Variants in POLG observed in about 807,000 individuals in gnomAD.
POLG encodes the protein DNA polymerase subunit gamma-1.
Under a neutral mutation model 155.4 loss-of-function variants are expected in POLG, and 110 were observed. The ratio of observed to expected loss-of-function variants is 0.71; its 90% CI spans 0.61 to 0.83. The LOEUF (loss-of-function observed/expected upper bound fraction) is 0.83. POLG is among the 40% of genes least tolerant of loss of function. POLG has a pLI of 0.00. For missense variants in POLG, 1,685 were observed against 1,627.5 expected, an observed-to-expected ratio of 1.04 and a Z score of -0.61; for synonymous variants, 701 against 631.5, an observed-to-expected ratio of 1.11 and a Z score of -1.65.
In POLG at chr15:89,319,126, CTT is replaced by C. The variant is rs776594830; in HGVS notation, c.3105-29_3105-28del. 14 of 1,614,220 alleles carry C rather than the reference CTT, an allele frequency of 8.7e-6. No homozygotes were observed. In the East Asian group the frequency reaches 1.1e-4, roughly 13 times the overall value. Reference sequence around the variant, plus strand: ...TAAGGGACCAGAAACAGAGGGCAGACTTTGTCTTTCAGCATCTCAAAGCTAAA... The same window carrying C: ...TAAGGGACCAGAAACAGAGGGCAGACTGTCTTTCAGCATCTCAAAGCTAAA... On this transcript the variant is annotated intron_variant, in intron 19 of 22. Transcript: ENST00000268124.
Position 89,319,073 on chromosome 15 carries a change from A to G in POLG, c.3131T>C (p.Val1044Ala), listed in dbSNP as rs150233690. 8.1e-4 allele frequency: 1,307 copies of G among 1,614,046 alleles called. 3 individuals are homozygous for G. Among genetic ancestry groups the G allele is most frequent in the Non-Finnish European group, 9.7e-4 (1,147 of 1,180,034 alleles). ...RKSQWKKWEVVAERAWKGGTE... is the reference protein window; with the variant it reads ...RKSQWKKWEVAAERAWKGGTE... ...GCCCCCCTTCCATGCCCGTTCAGCA[A>G]CCACCTCCCACTTCTTCCACTGTGA... Residue 1044 changes from valine (V) to alanine (A), a missense_variant, in exon 20 of 23, where the codon GTT (valine) becomes GCT (alanine). Coordinates refer to ENST00000268124, the MANE Select transcript of POLG (RefSeq NM_002693.3).
intron 9 of POLG, 85 bp from the exon 10 acceptor site, chr15:89,325,771 C>A: frequency 9.2e-7 from 1 of 1,089,444 alleles, no homozygotes; most frequent in East Asian, 2.3e-5. Flanking sequence ...ATGTCCCCAC[C>A]CACCCTCCAA....
At position 89,329,110 on chromosome 15, in the gene POLG, C is replaced by A; in HGVS notation, c.856G>T (p.Gly286Cys). ...GTGTCCAGGAAACGCATGCGGGAACCCTGAGGAGGAGGAGGAGAAAAGGGA... is the reference window on the plus strand; with the variant it reads ...GTGTCCAGGAAACGCATGCGGGAACACTGAGGAGGAGGAGGAGAAAAGGGA... The part of the protein sequence containing the change: ...AHIREQYLIQ[G>C]SRMRFLDTMS... Residue 286 changes from glycine to cysteine, a missense_variant and splice_region_variant, in exon 4 of 23, where the codon GGT becomes TGT. Coordinates refer to ENST00000268124, the MANE Select transcript of POLG (RefSeq NM_002693.3). The A allele has an allele frequency of 6.2e-7, 1 of 1,611,080 alleles. No individual in the cohort carries two copies. Among genetic ancestry groups the A allele is most frequent in the Non-Finnish European group, 8.5e-7 (1 of 1,179,782 alleles).
At position 89,333,627 on chromosome 15, in the gene POLG, TGCC is replaced by T. The variant is rs761080016; in HGVS notation, c.125_127del (p.Arg42del). On this transcript the variant is annotated inframe_deletion, in exon 2 of 23. Coordinates refer to ENST00000268124, the MANE Select transcript of POLG (RefSeq NM_002693.3). ...CTGCTGCTGCTGCTGCTGCTGCTGC[TGCC>T]GCCGCCGCTGCCCGTCGCTGGGGTC... 12 of 1,581,512 alleles carry T rather than the reference TGCC, an allele frequency of 7.6e-6. No homozygotes were observed. Among genetic ancestry groups the T allele is most frequent in the Admixed American group, 1.8e-5 (1 of 56,684 alleles).
At chr15:89,330,941 G>A (rs2055586405) in intron 2 of POLG, among the ~76,000 whole-genome samples, 1 of 152,142 alleles carries the variant, frequency 6.6e-6, no homozygotes, top group Admixed American at 6.5e-5. Context: ...GCTGCCTGTT[G>A]GGGGCCCGAC....
chr15:89,328,167 G>A (rs557317990), intron 6 of POLG, among the ~76,000 whole-genome samples: 139 of 152,088 alleles, frequency 9.1e-4, no homozygotes, highest in African/African-American at 2.9e-3. Flanking sequence ...ACATAACCAC[G>A]CTGTATGTGA....
At position 89,325,297 on chromosome 15, in the gene POLG, AGG is replaced by A. The variant is rs1491499923; in HGVS notation, c.1949+151_1949+152del. Among the ~76,000 whole-genome samples, 107 of 60,010 alleles carry A rather than the reference AGG, an allele frequency of 1.8e-3. 29 individuals are homozygous for A. Among genetic ancestry groups the A allele is most frequent in the African/African-American group, 5.4e-3 (100 of 18,602 alleles). The allele number at this position is 60,010 out of a possible 152,430, so 39.4% of individuals were successfully genotyped here. A position where few individuals can be genotyped will look rare whatever the true frequency, so the allele number is the denominator to read the frequency against. On this transcript the variant is annotated intron_variant, in intron 10 of 22. Coordinates refer to ENST00000268124, the MANE Select transcript of POLG (RefSeq NM_002693.3). ...GAGAGAGAGAGAAAGAGAGAGAGAG[AGG>A]GTGTGTGTGTGTGTGTTAATTTTTT...
chr15:89,319,046 G>C lies in POLG; in HGVS notation c.3158C>G (p.Thr1053Arg), dbSNP rs375268845. 3 of 1,613,960 alleles carry C rather than the reference G, an allele frequency of 1.9e-6. No homozygotes were observed. Among genetic ancestry groups the C allele is most frequent in the African/African-American group, 2.7e-5 (2 of 74,894 alleles). ...AAGCTTATTGAACATTTCTGACTCTGTGCCCCCCTTCCATGCCCGTTCAGC... is the reference window on the plus strand; with the variant it reads ...AAGCTTATTGAACATTTCTGACTCTCTGCCCCCCTTCCATGCCCGTTCAGC... The part of the protein sequence containing the change: ...VVAERAWKGG[T>R]ESEMFNKLES... The change falls in exon 20 of 23, where the codon ACA becomes AGA. Residue 1053 changes from threonine (T) to arginine (R), a missense_variant. By Grantham distance (71) the Thr-to-Arg change is moderately conservative (BLOSUM62 -1). Transcript: ENST00000268124.
chr15:89,320,635 A>G, intron 18 of POLG, 131 bp downstream of exon 18: 1 of 1,002,618 alleles, frequency 1.0e-6, no homozygotes, highest in Non-Finnish European at 1.5e-6. Context: ...CAGGTTACAC[A>G]GGTGTGGAAG....
At chr15:89,327,433 A>C in intron 6 of POLG, 84 bp from the exon 7 acceptor site, 1 of 1,289,170 alleles carries the variant, frequency 7.8e-7, no homozygotes, top group Non-Finnish European at 1.1e-6. Context: ...AGCAAGCCTC[A>C]ACCCAGCCAC....
rs747627023 is a variant in POLG, at chr15:89,317,391, A to G, written c.3628T>C (p.Tyr1210His). Residue 1210 changes from tyrosine to histidine, a missense_variant, in exon 22 of 23, where the codon TAC becomes CAC. By Grantham distance (83) the Tyr-to-His change is moderately conservative. This residue lies in a region of POLG where 470 missense variants were observed against 439.9 expected (regional missense o/e 1.07). Transcript: ENST00000268124. ...TTGTGCTCACCCTGGGGAATCCCGT[A>G]TCTCCTTTCCATCCCAGTTGGGTTG... ...PSNPTGMERR[Y>H]GIPQGEALDI... The G allele has an allele frequency of 2.5e-6, 4 of 1,614,020 alleles. No individual in the cohort carries two copies. The highest frequency in any genetic ancestry group is 2.7e-5 in the African/African-American group (2 of 74,902).
rs1378795521 is a variant in POLG, at chr15:89,321,971, G to A, written c.2471C>T (p.Ala824Val). The change falls in exon 15 of 23, where the codon GCT (alanine) becomes GTT (valine). Residue 824 changes from alanine (A) to valine (V), a missense_variant. Around this residue, in one of 3 missense-constraint regions of POLG, gnomAD observed 1,210 missense variants for 1,167.1 expected, o/e 1.04. Coordinates refer to ENST00000268124, the MANE Select transcript of POLG (RefSeq NM_002693.3). Reference protein sequence around the residue: ...VWLPRSALPRAVIRHPDYDEE... With the variant: ...VWLPRSALPRVVIRHPDYDEE... ...ACTCAGCAGACCATACCTGATCACAGCACGGGGCAGAGCTGACCTGGGCAG... is the reference window on the plus strand; with the variant it reads ...ACTCAGCAGACCATACCTGATCACAACACGGGGCAGAGCTGACCTGGGCAG... The A allele has an allele frequency of 5.0e-6, 8 of 1,614,070 alleles. No individual in the cohort carries two copies. In the East Asian group the frequency reaches 1.8e-4, roughly 36 times the overall value.
In POLG at chr15:89,321,942, A is replaced by C. The variant is rs1403726676; in HGVS notation, c.2480+20T>G. The C allele has an allele frequency of 3.1e-6, 5 of 1,613,518 alleles. No individual in the cohort carries two copies. The highest frequency in any genetic ancestry group is 1.1e-5 in the South Asian group (1 of 91,068). ...CTCACCTCAGTTCTCCTATCCCTAC[A>C]ACCACTCAGCAGACCATACCTGATC... On this transcript the variant is annotated intron_variant, in intron 15 of 22. Transcript: ENST00000268124.
At chr15:89,326,069 G>T (rs937615974) in intron 9 of POLG, among the ~76,000 whole-genome samples, 1 of 152,126 alleles carries the variant, frequency 6.6e-6, no homozygotes, top group African/African-American at 2.4e-5. Flanking sequence ...TCTCTTGCAG[G>T]CTGTTCACCA....
chr15:89,325,113 A>AGG (rs2055470874), intron 10 of POLG, among the ~76,000 whole-genome samples: 3 of 49,726 alleles, frequency 6.0e-5, no homozygotes, highest in African/African-American at 3.1e-4. Context: ...AGTGAGAGAG[A>AGG]GTGAGTGAGT....
At position 89,327,291 on chromosome 15, in the gene POLG, C is replaced by A; in HGVS notation, c.1309G>T (p.Val437Phe). 4 of 1,614,170 alleles carry A rather than the reference C, an allele frequency of 2.5e-6. No individual in the cohort carries two copies. The highest frequency in any genetic ancestry group is 3.4e-6 in the Non-Finnish European group (4 of 1,180,040). The change falls in exon 7 of 23, where the codon GTC (valine) becomes TTC (phenylalanine). Residue 437 changes from valine to phenylalanine, a missense_variant. Physicochemically the swap from Val to Phe is conservative, Grantham distance 50. Around this residue, in one of 3 missense-constraint regions of POLG, gnomAD observed 1,210 missense variants for 1,167.1 expected, o/e 1.04. Coordinates refer to ENST00000268124, the MANE Select transcript of POLG (RefSeq NM_002693.3). ...MLEMGVSYLP[V>F]NQNWERYLAE... ...AGGTAACGCTCCCAGTTCTGGTTGA[C>A]AGGCAGGTAGGAGACACCCATCTCC...
rs3176183 is a variant in POLG, at chr15:89,326,537, A to AC, written c.1712+74dup. 506,025 of 1,546,892 alleles carry AC rather than the reference A, an allele frequency of 0.33. 85,876 individuals are homozygous for AC. Among genetic ancestry groups the AC allele is most frequent in the South Asian group, 0.38 (33,875 of 89,644 alleles). On this transcript the variant is annotated intron_variant, in intron 9 of 22. Coordinates refer to ENST00000268124, the MANE Select transcript of POLG (RefSeq NM_002693.3). The stretch of plus-strand genomic sequence containing the variant: ...ATGTGCATGATGCCTCTGTGCCAGA[A>AC]CCCAGACCAGGGCTGTCCTGAGAAT...
intron 22 of POLG, 69 bp downstream of exon 22, chr15:89,317,307 T>C: frequency 6.5e-7 from 1 of 1,528,042 alleles, no homozygotes; most frequent in Non-Finnish European, 9.1e-7. Flanking sequence ...AGTTTCCTGT[T>C]CTCCAAGACC....
In POLG at chr15:89,316,899, G is replaced by T. The variant is rs1801377; in HGVS notation, c.3644-72C>A. 4.9e-3 allele frequency: 5,344 copies of T among 1,087,382 alleles called. 44 individuals carry two copies. The highest frequency in any genetic ancestry group is 0.017 in the South Asian group (1,356 of 80,332). 67.4% of individuals were successfully genotyped at this position (1,087,382 alleles called of 1,614,324 possible). ...ACTGAGAGCTCAGAAGTGAGCAAAG[G>T]AGCTTAATGCTAAGGTCAAAAGGAG... On this transcript the variant is annotated intron_variant, in intron 22 of 22. Coordinates refer to ENST00000268124, the MANE Select transcript of POLG (RefSeq NM_002693.3).
Sources: gnomAD v4.1 joint callset for allele counts (sites outside exome capture counted in the v4.1 genomes callset) on GRCh38, gnomAD v4.1.1 for gene constraint, gnomAD v4.1.1 regional missense constraint, MANE v1.5 for transcripts, NCBI Gene and HGNC (gene_info 2026-07-23, HGNC 2026-07-21) for gene names.